Variants in NRCAM observed in about 807,000 individuals in gnomAD.
NRCAM encodes the protein NgCAM-related cell adhesion molecule.
In NRCAM, 83 loss-of-function variants were observed where a neutral mutation model predicts 156.5. The observed-to-expected ratio is 0.53, with a 90% confidence interval of 0.44 to 0.64. The LOEUF (loss-of-function observed/expected upper bound fraction) is 0.64. Ranked by LOEUF, NRCAM falls within the 30% of genes least tolerant of loss-of-function variation. The probability of loss-of-function intolerance (pLI) is 0.00; values close to 1 mark genes in which losing one functional copy is unlikely to be tolerated. For synonymous variants in NRCAM, 538 were observed against 563.9 expected, an observed-to-expected ratio of 0.95 and a Z score of 0.65; for missense variants, 1,417 against 1,597.3, an observed-to-expected ratio of 0.89 and a Z score of 1.92.
intron 3 of NRCAM, among the ~76,000 whole-genome samples, chr7:108,262,442 T>C (rs1040701929): frequency 6.6e-6 from 1 of 152,092 alleles, no homozygotes; most frequent in Admixed American, 6.5e-5. Flanking sequence ...TTGTCTCCTT[T>C]ATACAAGGAG....
intron 11 of NRCAM, among the ~76,000 whole-genome samples, chr7:108,214,477 G>C (rs1044923294): frequency 4.6e-4 from 54 of 117,770 alleles, no homozygotes; most frequent in African/African-American, 1.8e-3. Flanking sequence ...TTTTTATTGT[G>C]TCTATTTGAC....
chr7:108,389,349 G>A (rs1007013821), intron 2 of NRCAM, among the ~76,000 whole-genome samples: 6 of 139,618 alleles, frequency 4.3e-5, no homozygotes, highest in Non-Finnish European at 8.0e-5. Flanking sequence ...CTCATGATTT[G>A]GCTCTCTGTT....
Position 108,248,619 on chromosome 7 carries a change from C to T in NRCAM, c.-106-8449G>A, listed in dbSNP as rs112334740. On this transcript the variant is annotated intron_variant, in intron 3 of 32. Coordinates refer to ENST00000379028, the MANE Select transcript of NRCAM (RefSeq NM_001037132.4). ...GTGTGGGTGTGCAGGCACCTCTGCT[C>T]GAGGCTGACAGAGGTGCCACCATTT... 7.8e-3 allele frequency among the ~76,000 whole-genome samples: 1,185 copies of T among 152,234 alleles called. 12 individuals carry two copies. The highest frequency in any genetic ancestry group is 0.027 in the African/African-American group (1,115 of 41,538).
chr7:108,296,904 C>T (rs150694705), intron 3 of NRCAM, among the ~76,000 whole-genome samples: 1,748 of 152,280 alleles, frequency 0.011, 37 homozygotes, highest in African/African-American at 0.039. Flanking sequence ...GTCACTTTGA[C>T]AGAATTATTA....
intron 11 of NRCAM, among the ~76,000 whole-genome samples, chr7:108,209,952 A>C (rs1195455908): frequency 6.6e-6 from 1 of 152,198 alleles, no homozygotes; most frequent in Non-Finnish European, 1.5e-5. Context: ...GTTAATCAAA[A>C]GAATTACTAT....
chr7:108,324,014 CAGG>C (rs1245989955), intron 2 of NRCAM, among the ~76,000 whole-genome samples: 9 of 151,836 alleles, frequency 5.9e-5, no homozygotes, highest in Non-Finnish European at 1.2e-4. Context: ...GAGCAGCAAG[CAGG>C]AGAACAGTGG....
At chr7:108,249,530 C>T (rs1486714246) in intron 3 of NRCAM, among the ~76,000 whole-genome samples, 1 of 152,132 alleles carries the variant, frequency 6.6e-6, no homozygotes, top group Non-Finnish European at 1.5e-5. Flanking sequence ...AAATAATCAA[C>T]GAGTGGCCAT....
rs1428480413 is a variant in NRCAM at position 108,231,170 on chromosome 7, T to C, written c.428-17A>G. ...ATGGTGATCCTATTAAATAAAAAAA[T>C]AACTTCTCAGTTATTTCTGCATTGA... is the stretch of plus-strand genomic sequence containing the variant. On this transcript the variant is annotated splice_polypyrimidine_tract_variant and intron_variant, in intron 7 of 32. Coordinates refer to ENST00000379028, the MANE Select transcript of NRCAM (RefSeq NM_001037132.4). The C allele has an allele frequency of 1.9e-6, 3 of 1,556,660 alleles. No individual in the cohort carries two copies. In the South Asian group the frequency reaches 3.7e-5, roughly 19 times the overall value.
intron 3 of NRCAM, among the ~76,000 whole-genome samples, chr7:108,261,114 T>C (rs958306171): frequency 1.2e-4 from 18 of 152,140 alleles, no homozygotes; most frequent in Non-Finnish European, 2.2e-4. Context: ...CTTTATAATT[T>C]TGTCTGGGTC....
At chr7:108,244,217 T>C (rs1434595959) in intron 3 of NRCAM, among the ~76,000 whole-genome samples, 4 of 152,040 alleles carry the variant, frequency 2.6e-5, no homozygotes, top group African/African-American at 9.7e-5. Flanking sequence ...CATCCCAACA[T>C]GGGTGGGTTC....
intron 3 of NRCAM, among the ~76,000 whole-genome samples, chr7:108,266,676 C>G (rs1425020875): frequency 1.3e-5 from 2 of 152,194 alleles, no homozygotes; most frequent in Non-Finnish European, 2.9e-5. Flanking sequence ...TTCCCTGTGA[C>G]TCACACCAGC....
At position 108,194,136 on chromosome 7, in the gene NRCAM, C is replaced by T; in HGVS notation, c.1666G>A (p.Val556Ile). The change falls in exon 17 of 33, where the codon GTT becomes ATT. Residue 556 changes from valine (V) to isoleucine (I), a missense_variant. By Grantham distance (29) the Val-to-Ile change is conservative (BLOSUM62 3). Coordinates refer to ENST00000379028, the MANE Select transcript of NRCAM (RefSeq NM_001037132.4). Reference sequence around the variant, plus strand: ...GACACCATGCTCCCTCTTTGCACAACTGCATATTCGGGCTGTTTAACGATC... The same window carrying T: ...GACACCATGCTCCCTCTTTGCACAATTGCATATTCGGGCTGTTTAACGATC... ...TWIVKQPEYA[V>I]VQRGSMVSFE... The T allele has an allele frequency of 6.2e-7, 1 of 1,614,078 alleles. No homozygotes were observed. The highest frequency in any genetic ancestry group is 1.1e-5 in the South Asian group (1 of 91,074).
At chr7:108,202,064 G>A (rs1215563808) in intron 13 of NRCAM, among the ~76,000 whole-genome samples, 1 of 152,108 alleles carries the variant, frequency 6.6e-6, no homozygotes, top group Admixed American at 6.5e-5. Context: ...TCTCTAGCAT[G>A]CAAATCCAAA....
At chr7:108,160,609 G>A in intron 30 of NRCAM, 117 bp from the exon 31 acceptor site, 1 of 722,404 alleles carries the variant, frequency 1.4e-6, no homozygotes, top group Non-Finnish European at 2.1e-6. Flanking sequence ...TTTACATGTG[G>A]CCCCAAATTA....
intron 3 of NRCAM, among the ~76,000 whole-genome samples, chr7:108,250,125 T>C (rs1436012981): frequency 6.6e-6 from 1 of 152,084 alleles, no homozygotes; most frequent in Non-Finnish European, 1.5e-5. Context: ...TATTTAGCCA[T>C]AAAAGTGAAT....
At chr7:108,392,800 G>A (rs902796080) in intron 2 of NRCAM, among the ~76,000 whole-genome samples, 11 of 152,140 alleles carry the variant, frequency 7.2e-5, no homozygotes, top group African/African-American at 1.9e-4. Flanking sequence ...CAGGACCCTC[G>A]GCTGCAGGTC....
intron 2 of NRCAM, among the ~76,000 whole-genome samples, chr7:108,392,080 TTGTGG>T (rs1596224374): frequency 6.6e-6 from 1 of 152,186 alleles, no homozygotes; most frequent in African/African-American, 2.4e-5. Context: ...AGGAGTATCT[TTGTGG>T]TGTTCTCTGT....
intron 1 of NRCAM, among the ~76,000 whole-genome samples, chr7:108,429,204 T>C (rs909009993): frequency 6.6e-6 from 1 of 152,212 alleles, no homozygotes; most frequent in Non-Finnish European, 1.5e-5. Flanking sequence ...TTTTTTTTCT[T>C]TTTGTGAGAC....
In NRCAM at chr7:108,182,582, T is replaced by G. The variant is rs186644360; in HGVS notation, c.2530+113A>C. 8.7e-5 allele frequency: 74 copies of G among 848,644 alleles called. No individual in the cohort carries two copies. In the East Asian group the frequency reaches 1.6e-3, roughly 19 times the overall value. 52.6% of individuals were successfully genotyped at this position (848,644 alleles called of 1,614,324 possible). On this transcript the variant is annotated intron_variant, in intron 23 of 32. Coordinates refer to ENST00000379028, the MANE Select transcript of NRCAM (RefSeq NM_001037132.4). ...AGGCTGTTTAAATTCAGAGAAGTCG[T>G]GCAAAATAATTGCCACCTCCCTCCC...
Sources: gnomAD v4.1 joint callset for allele counts (sites outside exome capture counted in the v4.1 genomes callset) on GRCh38, gnomAD v4.1.1 for gene constraint, MANE v1.5 for transcripts, NCBI Gene and HGNC (gene_info 2026-07-23, HGNC 2026-07-21) for gene names.